The following SPAG17 variants were observed in gnomAD, a reference collection of about 807,000 sequenced individuals.
SPAG17 encodes the protein sperm associated antigen 17.
In SPAG17, 169 loss-of-function variants were observed where a neutral mutation model predicts 273.6. The observed-to-expected ratio is 0.62, with a 90% CI of 0.55 to 0.70. The LOEUF (loss-of-function observed/expected upper bound fraction) is 0.70. Among genes scored for constraint, SPAG17 ranks in the 30% least tolerant of loss-of-function variants. The pLI, the probability that SPAG17 is intolerant of heterozygous loss-of-function variation, is 0.00. For synonymous variants in SPAG17, 825 were observed against 873.2 expected (o/e 0.94, Z 0.97); for missense variants, 2,557 against 2,627.8 (o/e 0.97, Z 0.59).
At chr1:118,050,533 G>A (rs1181008009) in intron 20 of SPAG17, among the ~76,000 whole-genome samples, 1 of 152,124 alleles carries the variant, frequency 6.6e-6, no homozygotes, top group Non-Finnish European at 1.5e-5. Context: ...AGACACCATG[G>A]TACTGGCATA....
chr1:118,028,955 C>T (rs1316833368), intron 25 of SPAG17, among the ~76,000 whole-genome samples: 2 of 152,182 alleles, frequency 1.3e-5, no homozygotes, highest in African/African-American at 4.8e-5. Flanking sequence ...AAGGAACCAT[C>T]TCTATGAGGA....
At chr1:118,173,354 G>A (rs1363010091) in intron 1 of SPAG17, among the ~76,000 whole-genome samples, 1 of 152,108 alleles carries the variant, frequency 6.6e-6, no homozygotes, top group Non-Finnish European at 1.5e-5. Flanking sequence ...TGAGCCAGAG[G>A]AGTAGAGTAT....
At chr1:118,122,251 T>C (rs889056543) in intron 3 of SPAG17, among the ~76,000 whole-genome samples, 1 of 152,092 alleles carries the variant, frequency 6.6e-6, no homozygotes, top group Non-Finnish European at 1.5e-5. Context: ...ATGAAAATGA[T>C]GGAAGAGCAG....
intron 43 of SPAG17, among the ~76,000 whole-genome samples, chr1:117,976,446 A>G (rs770093672): frequency 1.3e-5 from 2 of 152,200 alleles, no homozygotes; most frequent in Non-Finnish European, 2.9e-5. Flanking sequence ...TAGGTGGAAG[A>G]TATTTCTGCT....
At chr1:117,967,108 A>G (rs1347689091) in intron 46 of SPAG17, among the ~76,000 whole-genome samples, 4 of 152,052 alleles carry the variant, frequency 2.6e-5, no homozygotes, top group African/African-American at 9.7e-5. Flanking sequence ...GACTTTCAGT[A>G]GTGAAATCTG....
At chr1:118,139,201 T>C (rs1364996425) in intron 3 of SPAG17, among the ~76,000 whole-genome samples, 1 of 152,126 alleles carries the variant, frequency 6.6e-6, no homozygotes, top group Non-Finnish European at 1.5e-5. Context: ...AGACAACAGA[T>C]ATATGAACAA....
At chr1:118,139,022 A>G (rs1046582957) in intron 3 of SPAG17, among the ~76,000 whole-genome samples, 1 of 152,186 alleles carries the variant, frequency 6.6e-6, no homozygotes, top group Admixed American at 6.5e-5. Context: ...TAATATTTGT[A>G]AGCCATATAT....
intron 1 of SPAG17, among the ~76,000 whole-genome samples, chr1:118,174,775 G>A (rs1382141178): frequency 6.6e-6 from 1 of 152,132 alleles, no homozygotes; most frequent in Non-Finnish European, 1.5e-5. Context: ...AAATTTTTCA[G>A]GAGAAACCCT....
chr1:118,086,817 G>C, intron 11 of SPAG17, 33 bp from the exon 12 acceptor site: 4 of 1,614,020 alleles, frequency 2.5e-6, no homozygotes, highest in Non-Finnish European at 3.4e-6. Context: ...GATTTAAAGA[G>C]AGGATCTATA....
intron 1 of SPAG17, 136 bp from the exon 2 acceptor site, chr1:118,151,505 G>A: frequency 1.2e-6 from 1 of 868,182 alleles, no homozygotes; most frequent in East Asian, 3.2e-5. Flanking sequence ...TAATGTATGT[G>A]GTTTTCTGAT....
chr1:118,121,297 T>C (rs1433167122), intron 3 of SPAG17, among the ~76,000 whole-genome samples: 1 of 152,122 alleles, frequency 6.6e-6, no homozygotes, highest in Non-Finnish European at 1.5e-5. Flanking sequence ...AAATCTGCTC[T>C]GGCAAGTAAG....
In SPAG17 at chr1:118,174,301, A is replaced by G. The variant is rs111314606; in HGVS notation, c.87+10770T>C. Among the ~76,000 whole-genome samples the G allele has an allele frequency of 3.3e-3, 507 of 152,320 alleles. 5 individuals are homozygous for G. The highest frequency in any genetic ancestry group is 9.8e-3 in the Admixed American group (150 of 15,298). ...AATTATTAAAAGGGACCAAACAGAA[A>G]TTCATGAGCTGAAAAATACAATAAC... On this transcript the variant is annotated intron_variant, in intron 1 of 48. Coordinates refer to ENST00000336338, the MANE Select transcript of SPAG17 (RefSeq NM_206996.4).
intron 3 of SPAG17, among the ~76,000 whole-genome samples, chr1:118,127,506 C>A (rs1048636592): frequency 2.6e-5 from 4 of 152,168 alleles, no homozygotes; most frequent in Non-Finnish European, 5.9e-5. Flanking sequence ...AAGGGGATAG[C>A]CCAAGCCATT....
Position 118,093,416 on chromosome 1 carries a change from A to T in SPAG17, c.1012-99T>A, listed in dbSNP as rs1343923306. ...CTTAACAGTTATGCCCATCAACTTT[A>T]TACAGGAAAGCAAACCCCTAAATCT... On this transcript the variant is annotated intron_variant, in intron 7 of 48. Coordinates refer to ENST00000336338, the MANE Select transcript of SPAG17 (RefSeq NM_206996.4). 3 of 1,237,850 alleles carry T rather than the reference A, an allele frequency of 2.4e-6. No homozygotes were observed. In the African/African-American group the frequency reaches 4.6e-5, roughly 19 times the overall value. The allele number at this position is 1,237,850 out of a possible 1,614,324, so 76.7% of individuals were successfully genotyped here. A position where few individuals can be genotyped will look rare whatever the true frequency, so the allele number is the denominator to read the frequency against.
chr1:118,077,878 G>C lies in SPAG17; in HGVS notation c.2209+3223C>G, dbSNP rs143132942. On this transcript the variant is annotated intron_variant, in intron 15 of 48. Coordinates refer to ENST00000336338, the MANE Select transcript of SPAG17 (RefSeq NM_206996.4). ...ACCAGGAATTTCTGGAACTCAGGAA[G>C]CTGCAAGACACAGTGGAGGAAGCAC... 2.6e-5 allele frequency among the ~76,000 whole-genome samples: 4 copies of C among 152,272 alleles called. No individual in the cohort carries two copies. The East Asian group carries it at 5.8e-4, about 22-fold the overall frequency.
In SPAG17 at chr1:118,091,621, A is replaced by G. The variant is rs1655377644; in HGVS notation, c.1344T>C (p.His448=). The change falls in exon 10 of 49, where the codon CAT becomes CAC. Residue 448 remains histidine (H), a synonymous_variant. Transcript: ENST00000336338. Reference sequence around the variant, plus strand: ...GCCTCCCCACCTGTTCCAGCATACAATGCAGTATCAGGGGCACAGAAATGA... The same window carrying G: ...GCCTCCCCACCTGTTCCAGCATACAGTGCAGTATCAGGGGCACAGAAATGA... ...EEFISVPLIL[H]CMLEQVVATE... 1 of 1,607,076 alleles carries G rather than the reference A, an allele frequency of 6.2e-7. No individual in the cohort carries two copies. The highest frequency in any genetic ancestry group is 8.5e-7 in the Non-Finnish European group (1 of 1,173,930).
rs750663031 is a variant in SPAG17, at chr1:117,971,843, C to G, written c.6326+20G>C. On this transcript the variant is annotated intron_variant, in intron 45 of 48. Transcript: ENST00000336338. ...GTAGGGAAAGGTAACCTGAGCAGAC[C>G]TTTGGTCCCTTGGCCTCACCTGCAG... The G allele has an allele frequency of 1.2e-6, 2 of 1,604,266 alleles. No homozygotes were observed. Among genetic ancestry groups the G allele is most frequent in the Admixed American group, 3.4e-5 (2 of 58,956 alleles).
intron 18 of SPAG17, among the ~76,000 whole-genome samples, chr1:118,056,609 T>C (rs966365625): frequency 6.6e-6 from 1 of 152,206 alleles, no homozygotes; most frequent in East Asian, 1.9e-4. Context: ...GGACATTAGT[T>C]ATAAGATTTA....
Position 118,165,121 on chromosome 1 carries a change from C to CA in SPAG17, c.88-13753dup, listed in dbSNP as rs1256435147. Reference sequence around the variant, plus strand: ...TATTACACAAGTAATGCAATACTTGCACTGTGATCACGGCCTTAGAGCATG... The same window carrying CA: ...TATTACACAAGTAATGCAATACTTGCAACTGTGATCACGGCCTTAGAGCATG... On this transcript the variant is annotated intron_variant, in intron 1 of 48. Coordinates refer to ENST00000336338, the MANE Select transcript of SPAG17 (RefSeq NM_206996.4). Among the ~76,000 whole-genome samples, 5 of 152,196 alleles carry CA rather than the reference C, an allele frequency of 3.3e-5. No individual in the cohort carries two copies. The East Asian group carries it at 9.6e-4, about 29-fold the overall frequency.
Sources: gnomAD v4.1 joint callset for allele counts (sites outside exome capture counted in the v4.1 genomes callset) on GRCh38, gnomAD v4.1.1 for gene constraint, MANE v1.5 for transcripts, NCBI Gene and HGNC (gene_info 2026-07-23, HGNC 2026-07-21) for gene names.